The following ZDHHC2 variants were observed in gnomAD, a reference collection of about 807,000 sequenced individuals.
The protein encoded by ZDHHC2 is palmitoyltransferase ZDHHC2.
ZDHHC2 carries 51 observed loss-of-function variants against 55.6 expected under a neutral mutation model. The ratio of observed to expected loss-of-function variants is 0.92; its 90% CI spans 0.73 to 1.16. The LOEUF is 1.16. ZDHHC2 is among the 50% of genes most tolerant of loss of function. The pLI is 0.00. For synonymous variants in ZDHHC2, 199 were observed against 152.9 expected (o/e 1.30, Z -2.22); for missense variants, 491 against 442.4 (o/e 1.11, Z -0.99).
chr8:17,198,153 A>G lies in ZDHHC2; in HGVS notation c.444-228A>G, dbSNP rs543260741. Among the ~76,000 whole-genome samples the G allele has an allele frequency of 4.4e-4, 67 of 152,262 alleles. 1 individual carries two copies. The highest frequency in any genetic ancestry group is 1.6e-3 in the African/African-American group (67 of 41,560). ...GTTTTTAGGAAATGAGTTGCTTTGCATCTTAAGCATGTATATTTTGAATTC... is the reference window on the plus strand; with the variant it reads ...GTTTTTAGGAAATGAGTTGCTTTGCGTCTTAAGCATGTATATTTTGAATTC... On this transcript the variant is annotated intron_variant, in intron 5 of 12. Transcript: ENST00000262096.
chr8:17,169,232 ATTT>A (rs33912144), intron 1 of ZDHHC2, among the ~76,000 whole-genome samples: 27 of 137,316 alleles, frequency 2.0e-4, no homozygotes, highest in African/African-American at 1.6e-4. Flanking sequence ...CACTGCAGCA[ATTT>A]TTTTTTTTTT....
intron 8 of ZDHHC2, among the ~76,000 whole-genome samples, chr8:17,208,699 C>A (rs1173488683): frequency 6.6e-6 from 1 of 152,130 alleles, no homozygotes; most frequent in South Asian, 2.1e-4. Flanking sequence ...CAAATGAAAT[C>A]ATTACACCAA....
chr8:17,200,023 G>C (rs1259945105), intron 6 of ZDHHC2, among the ~76,000 whole-genome samples: 39 of 152,072 alleles, frequency 2.6e-4, no homozygotes, highest in Admixed American at 2.6e-3. Flanking sequence ...CCAAAGTGCT[G>C]GGATTACAGG....
intron 3 of ZDHHC2, among the ~76,000 whole-genome samples, chr8:17,187,761 A>G (rs563087418): frequency 6.6e-6 from 1 of 152,290 alleles, no homozygotes; most frequent in Admixed American, 6.5e-5. Context: ...GTTTACATAC[A>G]ACCTCTGTTT....
chr8:17,165,857 A>G (rs1804574271), intron 1 of ZDHHC2, among the ~76,000 whole-genome samples: 1 of 152,212 alleles, frequency 6.6e-6, no homozygotes, highest in South Asian at 2.1e-4. Flanking sequence ...TGAAACATTT[A>G]ACCATGCGGG....
intron 3 of ZDHHC2, among the ~76,000 whole-genome samples, chr8:17,193,268 G>A (rs1242631971): frequency 2.0e-5 from 3 of 152,188 alleles, no homozygotes; most frequent in Admixed American, 6.5e-5. Flanking sequence ...GTAATACTGT[G>A]GTTCTTACAG....
At chr8:17,193,382 C>G (rs979699408) in intron 3 of ZDHHC2, among the ~76,000 whole-genome samples, 2 of 152,218 alleles carry the variant, frequency 1.3e-5, no homozygotes, top group East Asian at 1.9e-4. Context: ...TTCTTCTAAA[C>G]AAACAGAGCC....
In ZDHHC2 at chr8:17,209,950, T is replaced by C. The variant is rs1444694417; in HGVS notation, c.749T>C (p.Val250Ala). 1 of 1,610,010 alleles carries C rather than the reference T, an allele frequency of 6.2e-7. No individual in the cohort carries two copies. The highest frequency in any genetic ancestry group is 1.7e-5 in the Admixed American group (1 of 59,408). Residue 250 changes from valine to alanine, a missense_variant, in exon 9 of 13, where the codon GTA (valine) becomes GCA (alanine). Val to Ala is a moderately conservative substitution (Grantham distance 64). Coordinates refer to ENST00000262096, the MANE Select transcript of ZDHHC2 (RefSeq NM_016353.5). ...KSTLEAFRSP[V>A]FRHGTDKNGF... ...TTTTTAGAGGCATTCAGAAGTCCAG[T>C]ATTTCGACATGGAACAGATAAGAAT...
intron 10 of ZDHHC2, among the ~76,000 whole-genome samples, chr8:17,214,718 G>T (rs1807560717): frequency 1.3e-5 from 2 of 151,970 alleles, no homozygotes; most frequent in Non-Finnish European, 2.9e-5. Flanking sequence ...TGATCAGGCT[G>T]GGCAACATAG....
chr8:17,175,337 A>T (rs1450763267), intron 1 of ZDHHC2, among the ~76,000 whole-genome samples: 1 of 152,042 alleles, frequency 6.6e-6, no homozygotes, highest in African/African-American at 2.4e-5. Flanking sequence ...CTACTAATTC[A>T]CCCACATTGT....
chr8:17,199,414 T>C (rs1806506498), intron 6 of ZDHHC2, among the ~76,000 whole-genome samples: 4 of 151,068 alleles, frequency 2.6e-5, no homozygotes, highest in Admixed American at 2.6e-4. Flanking sequence ...AGTTTTCTTT[T>C]CTGGTTTTTT....
chr8:17,184,724 T>G, intron 1 of ZDHHC2, 65 bp from the exon 2 acceptor site: 1 of 1,360,178 alleles, frequency 7.4e-7, no homozygotes, highest in Non-Finnish European at 1.0e-6. Context: ...AAATGCCTTA[T>G]GTCTGTGTCA....
chr8:17,164,050 A>C (rs532842698), intron 1 of ZDHHC2, among the ~76,000 whole-genome samples: 25 of 152,198 alleles, frequency 1.6e-4, no homozygotes, highest in Admixed American at 3.9e-4. Context: ...TAGGAGGAGG[A>C]GGCGCTGGGT....
intron 1 of ZDHHC2, among the ~76,000 whole-genome samples, chr8:17,158,635 C>T (rs1405748767): frequency 6.6e-6 from 1 of 152,222 alleles, no homozygotes; most frequent in Non-Finnish European, 1.5e-5. Flanking sequence ...TATGTACTTT[C>T]TGTAAGTTTA....
chr8:17,215,433 C>G (rs937189317), intron 11 of ZDHHC2, 84 bp downstream of exon 11: 2 of 1,028,722 alleles, frequency 1.9e-6, no homozygotes, highest in Non-Finnish European at 2.9e-6. Context: ...ATTATACTAC[C>G]TACAGATGTT....
intron 1 of ZDHHC2, among the ~76,000 whole-genome samples, chr8:17,164,299 A>G (rs1804497970): frequency 6.6e-6 from 1 of 152,186 alleles, no homozygotes; most frequent in African/African-American, 2.4e-5. Flanking sequence ...TATATGCTGC[A>G]TTTCTCGTCT....
At chr8:17,195,683 G>A in intron 4 of ZDHHC2, 59 bp downstream of exon 4, 4 of 1,596,138 alleles carry the variant, frequency 2.5e-6, no homozygotes, top group South Asian at 2.2e-5. Flanking sequence ...TAAGGTGACT[G>A]TAAGAAAGTG....
rs571719414 is a variant in ZDHHC2, at chr8:17,220,669, A to T, written c.*448A>T. ...TATAATGATAAGCATTATTCATAAA[A>T]CTTGTTACCTTTAAGAAGGTGGAAG... On this transcript the variant is annotated 3_prime_UTR_variant, in exon 13 of 13. Transcript: ENST00000262096. 1 of 152,312 alleles carries T rather than the reference A, an allele frequency of 6.6e-6. No individual in the cohort carries two copies. Among genetic ancestry groups the T allele is most frequent in the South Asian group, 2.1e-4 (1 of 4,826 alleles). The allele number at this position is 152,312 out of a possible 1,614,324, so 9.4% of individuals were successfully genotyped here.
chr8:17,210,168 T>A, intron 9 of ZDHHC2, 110 bp downstream of exon 9: 1 of 1,297,040 alleles, frequency 7.7e-7, no homozygotes, highest in South Asian at 1.6e-5. Flanking sequence ...GTGTAGGAAC[T>A]CTTATTTTTA....
Sources: gnomAD v4.1 joint callset for allele counts (sites outside exome capture counted in the v4.1 genomes callset) on GRCh38, gnomAD v4.1.1 for gene constraint, MANE v1.5 for transcripts, NCBI Gene and HGNC (gene_info 2026-07-23, HGNC 2026-07-21) for gene names.